DENND1A: variants seen among roughly 807,000 people sequenced by gnomAD.
The protein encoded by DENND1A is DENN domain containing 1A.
DENND1A carries 51 observed loss-of-function variants against 113.7 expected under a neutral mutation model. That is an observed-to-expected ratio of 0.45 (90% confidence interval 0.36 to 0.57). The LOEUF (loss-of-function observed/expected upper bound fraction) is 0.57. Ranked by LOEUF, DENND1A falls within the 20% of genes least tolerant of loss-of-function variation. The pLI is 0.00. For missense variants in DENND1A, 1,258 were observed against 1,395.9 expected, an observed-to-expected ratio of 0.90 and a Z score of 1.57; for synonymous variants, 565 against 570.8, an observed-to-expected ratio of 0.99 and a Z score of 0.14.
intron 5 of DENND1A, among the ~76,000 whole-genome samples, chr9:123,689,395 C>A (rs1328249697): frequency 1.3e-5 from 2 of 152,200 alleles, no homozygotes; most frequent in Non-Finnish European, 2.9e-5. Flanking sequence ...TGAGTTACTA[C>A]AAAAAGTAGA....
intron 5 of DENND1A, among the ~76,000 whole-genome samples, chr9:123,742,088 C>T (rs1470953340): frequency 6.6e-6 from 1 of 152,170 alleles, no homozygotes; most frequent in African/African-American, 2.4e-5. Flanking sequence ...TGCATAGCGC[C>T]CCAACGCTGT....
At chr9:123,451,754 T>C (rs1341673228) in intron 17 of DENND1A, among the ~76,000 whole-genome samples, 2 of 152,182 alleles carry the variant, frequency 1.3e-5, no homozygotes, top group Non-Finnish European at 2.9e-5. Context: ...TTCTCTACTG[T>C]GGCAAATGTG....
At position 123,606,951 on chromosome 9, in the gene DENND1A, G is replaced by C. The variant is rs116394653; in HGVS notation, c.765+2485C>G. On this transcript the variant is annotated intron_variant, in intron 11 of 23. Transcript: ENST00000394215. The stretch of plus-strand genomic sequence containing the variant: ...GAAGGGCAGGGCTGATGCATGCAGA[G>C]GGTTGGGAATGTGGATATGTTTAGG... Among the ~76,000 whole-genome samples the C allele has an allele frequency of 2.2e-3, 338 of 152,360 alleles. 1 individual carries two copies. The highest frequency in any genetic ancestry group is 7.7e-3 in the African/African-American group (321 of 41,584).
At chr9:123,775,690 G>A (rs1590038363) in intron 3 of DENND1A, among the ~76,000 whole-genome samples, 1 of 152,138 alleles carries the variant, frequency 6.6e-6, no homozygotes, top group East Asian at 1.9e-4. Flanking sequence ...CAAAGTCCTT[G>A]AATTTTTTAA....
intron 2 of DENND1A, among the ~76,000 whole-genome samples, chr9:123,859,345 T>G (rs1156889671): frequency 6.6e-6 from 1 of 151,942 alleles, no homozygotes; most frequent in East Asian, 1.9e-4. Context: ...TAACAGGAAC[T>G]AACATTTGCA....
intron 11 of DENND1A, among the ~76,000 whole-genome samples, chr9:123,594,034 G>A: frequency 6.6e-6 from 1 of 152,134 alleles, no homozygotes; most frequent in Non-Finnish European, 1.5e-5. Context: ...GTTTCCTGGG[G>A]CCTCCCCAGC....
At chr9:123,528,263 T>A (rs1024919188) in intron 13 of DENND1A, among the ~76,000 whole-genome samples, 5 of 152,192 alleles carry the variant, frequency 3.3e-5, no homozygotes, top group Non-Finnish European at 7.3e-5. Context: ...TCTCATTACT[T>A]TCCTAGCAAG....
chr9:123,674,340 TCTCACACACACACACACACACACACACA>T (rs1233516965), intron 6 of DENND1A, among the ~76,000 whole-genome samples: 6 of 127,818 alleles, frequency 4.7e-5, no homozygotes, highest in Admixed American at 8.7e-5. Flanking sequence ...TCTGTCTCTC[TCTCACACACACACACACACACACACACA>T]CACACACACA....
intron 9 of DENND1A, among the ~76,000 whole-genome samples, chr9:123,645,640 T>C (rs960297208): frequency 6.6e-6 from 1 of 152,134 alleles, no homozygotes; most frequent in Non-Finnish European, 1.5e-5. Context: ...CAGAGAAGCT[T>C]CTACCAGCAA....
intron 5 of DENND1A, among the ~76,000 whole-genome samples, chr9:123,720,532 T>C (rs1246265921): frequency 6.6e-6 from 1 of 152,200 alleles, no homozygotes; most frequent in Non-Finnish European, 1.5e-5. Context: ...TTTGCCCCTC[T>C]GATCCTTTCA....
intron 2 of DENND1A, among the ~76,000 whole-genome samples, chr9:123,805,836 G>A (rs1187746287): frequency 6.6e-6 from 1 of 152,224 alleles, no homozygotes; most frequent in Non-Finnish European, 1.5e-5. Flanking sequence ...ACAATCTGTG[G>A]TTTGGCATCA....
chr9:123,616,578 A>G (rs1463972562), intron 10 of DENND1A, among the ~76,000 whole-genome samples: 1 of 152,232 alleles, frequency 6.6e-6, no homozygotes, highest in Non-Finnish European at 1.5e-5. Context: ...AGGGGAAAAA[A>G]AAAGGAAGCT....
At chr9:123,480,015 G>A (rs114125338) in intron 13 of DENND1A, among the ~76,000 whole-genome samples, 3 of 152,196 alleles carry the variant, frequency 2.0e-5, no homozygotes, top group African/African-American at 4.8e-5. Context: ...CTCCCCTACC[G>A]AAGTAGGAGC....
intron 21 of DENND1A, among the ~76,000 whole-genome samples, chr9:123,390,839 G>A (rs941736770): frequency 1.3e-5 from 2 of 152,246 alleles, no homozygotes; most frequent in African/African-American, 4.8e-5. Flanking sequence ...CTCTCCAGTC[G>A]CCCTCACGTC....
At chr9:123,732,177 A>G (rs1374585459) in intron 5 of DENND1A, among the ~76,000 whole-genome samples, 3 of 152,264 alleles carry the variant, frequency 2.0e-5, no homozygotes, top group Non-Finnish European at 4.4e-5. Context: ...ACACCCAGCA[A>G]TTCCACTCTT....
chr9:123,385,343 T>C (rs1040269543), intron 22 of DENND1A, among the ~76,000 whole-genome samples: 1 of 152,204 alleles, frequency 6.6e-6, no homozygotes, highest in Admixed American at 6.5e-5. Context: ...TTTTGTATTT[T>C]TAGTAGAGAC....
intron 3 of DENND1A, among the ~76,000 whole-genome samples, chr9:123,772,676 A>G (rs186497258): frequency 1.3e-5 from 2 of 152,262 alleles, no homozygotes; most frequent in African/African-American, 4.8e-5. Context: ...TATTTTCACA[A>G]ATCTTTTTAT....
intron 5 of DENND1A, among the ~76,000 whole-genome samples, chr9:123,743,397 T>C (rs926930369): frequency 5.6e-5 from 8 of 142,366 alleles, no homozygotes; most frequent in African/African-American, 2.2e-4. Context: ...TAAGACTCAG[T>C]CCCAAAAGAT....
intron 5 of DENND1A, among the ~76,000 whole-genome samples, chr9:123,704,014 C>A (rs1196635468): frequency 6.6e-6 from 1 of 151,742 alleles, no homozygotes; most frequent in Non-Finnish European, 1.5e-5. Flanking sequence ...TCCATTTTGG[C>A]CTATGGAAGA....
Sources: gnomAD v4.1 joint callset for allele counts (sites outside exome capture counted in the v4.1 genomes callset) on GRCh38, gnomAD v4.1.1 for gene constraint, MANE v1.5 for transcripts, NCBI Gene and HGNC (gene_info 2026-07-23, HGNC 2026-07-21) for gene names.